Variants in SLC25A18 observed in about 807,000 individuals in gnomAD.
SLC25A18 encodes the protein mitochondrial glutamate carrier 2.
In SLC25A18, 24 loss-of-function variants were observed where a neutral mutation model predicts 31.1. The ratio of observed to expected loss-of-function variants is 0.77; its 90% CI spans 0.56 to 1.08. SLC25A18 has a LOEUF of 1.08. Among genes scored for constraint, SLC25A18 ranks in the 50% least tolerant of loss-of-function variants. The pLI, the probability that SLC25A18 is intolerant of heterozygous loss-of-function variation, is 0.00. For synonymous variants in SLC25A18, 173 were observed against 161.9 expected, an observed-to-expected ratio of 1.07 and a Z score of -0.52; for missense variants, 371 against 418.5, an observed-to-expected ratio of 0.89 and a Z score of 0.99.
chr22:17,564,471 G>A (rs1337320173), intron 1 of SLC25A18, among the ~76,000 whole-genome samples: 1 of 152,168 alleles, frequency 6.6e-6, no homozygotes, highest in Non-Finnish European at 1.5e-5. Context: ...TTGGTCCTTA[G>A]ATGCAGGTAA....
chr22:17,581,023 T>A lies in SLC25A18; in HGVS notation c.21-14T>A. Reference sequence around the variant, plus strand: ...CTCTGCCTCTCTCCTCCCCCTGTCCTCCCCCTGTCCTAGCATCACAGCCAA... The same window carrying A: ...CTCTGCCTCTCTCCTCCCCCTGTCCACCCCCTGTCCTAGCATCACAGCCAA... On this transcript the variant is annotated splice_polypyrimidine_tract_variant and intron_variant, in intron 3 of 10. Transcript: ENST00000327451. 1 of 1,538,514 alleles carries A rather than the reference T, an allele frequency of 6.5e-7. No individual in the cohort carries two copies. The highest frequency in any genetic ancestry group is 8.8e-7 in the Non-Finnish European group (1 of 1,139,444).
chr22:17,573,370 A>G (rs573240976), intron 2 of SLC25A18, among the ~76,000 whole-genome samples: 49 of 152,048 alleles, frequency 3.2e-4, no homozygotes, highest in African/African-American at 1.2e-3. Flanking sequence ...CTTCCTCCCC[A>G]CTTCCCCCCA....
chr22:17,583,618 T>C, intron 7 of SLC25A18, 84 bp downstream of exon 7: 3 of 1,518,854 alleles, frequency 2.0e-6, no homozygotes, highest in Non-Finnish European at 2.7e-6. Flanking sequence ...CCTCATTTGC[T>C]AGGCTGTGTG....
chr22:17,571,123 G>T (rs411358), intron 2 of SLC25A18, among the ~76,000 whole-genome samples: 55,023 of 152,062 alleles, frequency 0.36, 10,173 homozygotes, highest in African/African-American at 0.4. Flanking sequence ...GGTTGTGCGG[G>T]AGTGGGAGCC....
At chr22:17,568,424 T>C (rs1207546274) in intron 1 of SLC25A18, among the ~76,000 whole-genome samples, 2 of 150,620 alleles carry the variant, frequency 1.3e-5, no homozygotes, top group Non-Finnish European at 3.0e-5. Context: ...TTGTGGAATA[T>C]CGAGAAAGGT....
intron 1 of SLC25A18, among the ~76,000 whole-genome samples, chr22:17,568,912 G>A (rs960921857): frequency 3.3e-5 from 5 of 151,660 alleles, no homozygotes; most frequent in Admixed American, 6.6e-5. Flanking sequence ...ATTTAAGAAT[G>A]TTAGCACAGG....
intron 2 of SLC25A18, among the ~76,000 whole-genome samples, chr22:17,573,999 G>T (rs115891453): frequency 0.036 from 5,458 of 152,314 alleles, 195 homozygotes; most frequent in African/African-American, 0.091. Context: ...GGAGGTGGAG[G>T]TGTGCGGATC....
intron 1 of SLC25A18, among the ~76,000 whole-genome samples, chr22:17,568,426 G>A (rs1490405652): frequency 6.6e-6 from 1 of 151,280 alleles, no homozygotes; most frequent in East Asian, 1.9e-4. Flanking sequence ...GTGGAATATC[G>A]AGAAAGGTAA....
intron 3 of SLC25A18, chr22:17,580,594 G>T: frequency 3.0e-6 from 3 of 993,482 alleles, no homozygotes; most frequent in Non-Finnish European, 2.4e-6. Context: ...CAACCCTGGA[G>T]TGAGTTCGAC....
chr22:17,571,763 A>AG (rs1359248224), intron 2 of SLC25A18, among the ~76,000 whole-genome samples: 1 of 151,216 alleles, frequency 6.6e-6, no homozygotes, highest in East Asian at 2.0e-4. Context: ...AAAAAGAAAA[A>AG]AAAAAAAAAA....
In SLC25A18 at chr22:17,590,422, T is replaced by A; in HGVS notation, c.*186T>A. On this transcript the variant is annotated 3_prime_UTR_variant, in exon 11 of 11. Transcript: ENST00000327451. ...TTGAGCACAGCCTTCTTCCCCTTCG[T>A]GTCTACACTCGTTTTCCTTTGTGGG... is the stretch of plus-strand genomic sequence containing the variant. 1.6e-6 allele frequency: 1 copy of A among 638,214 alleles called. No individual in the cohort carries two copies. Among genetic ancestry groups the A allele is most frequent in the South Asian group, 2.8e-5 (1 of 35,658 alleles). 39.5% of individuals were successfully genotyped at this position (638,214 alleles called of 1,614,324 possible).
intron 7 of SLC25A18, 29 bp downstream of exon 7, chr22:17,583,563 AC>A: frequency 6.2e-7 from 1 of 1,609,602 alleles, no homozygotes; most frequent in Non-Finnish European, 8.5e-7. Flanking sequence ...TCCTATGGGA[AC>A]AGTAAAGGGC....
intron 2 of SLC25A18, among the ~76,000 whole-genome samples, chr22:17,577,897 G>A (rs963560993): frequency 9.9e-5 from 15 of 151,048 alleles, no homozygotes; most frequent in Non-Finnish European, 1.2e-4. Context: ...GACTGGTCTC[G>A]AACTCCTGAC....
chr22:17,572,923 G>A (rs529931828), intron 2 of SLC25A18, among the ~76,000 whole-genome samples: 1 of 152,090 alleles, frequency 6.6e-6, no homozygotes, highest in East Asian at 1.9e-4. Flanking sequence ...TTACAGGCAT[G>A]AGCCATGGCG....
chr22:17,587,847 A>G (rs2057597135), intron 8 of SLC25A18, 78 bp from the exon 9 acceptor site: 1 of 1,588,272 alleles, frequency 6.3e-7, no homozygotes, highest in Admixed American at 1.8e-5. Flanking sequence ...CACAGCTCAC[A>G]GCAAAGCTCA....
intron 7 of SLC25A18, among the ~76,000 whole-genome samples, chr22:17,584,805 A>AAG (rs1555951697): frequency 1.3e-5 from 2 of 151,266 alleles, no homozygotes; most frequent in African/African-American, 4.9e-5. Flanking sequence ...AAAAAAAAAA[A>AAG]AAAGAAATGC....
chr22:17,579,897 C>T lies in SLC25A18; in HGVS notation c.-48C>T. On this transcript the variant is annotated 5_prime_UTR_variant, in exon 3 of 11. Transcript: ENST00000327451. ...CCCAGACAGCCCCAACAGCGGCTAC[C>T]CCAAGGAGCCAGCAGCCTTGTGTCC... 1.3e-6 allele frequency: 2 copies of T among 1,598,478 alleles called. No individual in the cohort carries two copies. The highest frequency in any genetic ancestry group is 1.7e-6 in the Non-Finnish European group (2 of 1,173,022).
chr22:17,578,016 G>A (rs908638951), intron 2 of SLC25A18, among the ~76,000 whole-genome samples: 3 of 146,096 alleles, frequency 2.1e-5, no homozygotes, highest in Non-Finnish European at 3.0e-5. Context: ...ATAGGGTTTC[G>A]CTCTGTTGCC....
At position 17,579,706 on chromosome 22, in the gene SLC25A18, C is replaced by T. The variant is rs889601375; in HGVS notation, c.-200-39C>T. ...AATCCACTAGTGACGTGCGTCCTCG[C>T]CCATCTGTGAGGTGAGTGTTTCTCT... On this transcript the variant is annotated intron_variant, in intron 2 of 10. Transcript: ENST00000327451. 6 of 1,345,922 alleles carry T rather than the reference C, an allele frequency of 4.5e-6. No individual in the cohort carries two copies. The African/African-American group carries it at 5.9e-5, about 13-fold the overall frequency. The allele number at this position is 1,345,922 out of a possible 1,614,324, so 83.4% of individuals were successfully genotyped here. A position where few individuals can be genotyped will look rare whatever the true frequency, so the allele number is the denominator to read the frequency against.
Sources: gnomAD v4.1 joint callset for allele counts (sites outside exome capture counted in the v4.1 genomes callset) on GRCh38, gnomAD v4.1.1 for gene constraint, MANE v1.5 for transcripts, NCBI Gene and HGNC (gene_info 2026-07-23, HGNC 2026-07-21) for gene names.